Variants in SAMD4A observed in about 807,000 individuals in gnomAD.
SAMD4A encodes sterile alpha motif domain containing 4A.
Under a neutral mutation model 81.3 loss-of-function variants are expected in SAMD4A, and 33 were observed. The observed-to-expected ratio is 0.41, with a 90% CI of 0.31 to 0.54. The LOEUF is 0.54. SAMD4A is among the 20% of genes least tolerant of loss of function. SAMD4A has a pLI of 0.37. For synonymous variants in SAMD4A, 389 were observed against 382.1 expected (o/e 1.02, Z -0.21); for missense variants, 854 against 951.1 (o/e 0.90, Z 1.34).
At chr14:54,657,080 A>G (rs2035537584) in intron 2 of SAMD4A, among the ~76,000 whole-genome samples, 1 of 152,184 alleles carries the variant, frequency 6.6e-6, no homozygotes, top group African/African-American at 2.4e-5. Context: ...GAAGGCATGC[A>G]TTCCATCTTA....
chr14:54,697,787 G>A (rs990533738), intron 2 of SAMD4A, among the ~76,000 whole-genome samples: 3 of 152,218 alleles, frequency 2.0e-5, no homozygotes, highest in African/African-American at 4.8e-5. Context: ...AAAATGGTAT[G>A]TGGGCTGCAG....
At chr14:54,779,544 C>A (rs12323472) in intron 11 of SAMD4A, among the ~76,000 whole-genome samples, 8,125 of 152,230 alleles carry the variant, frequency 0.053, 604 homozygotes, top group African/African-American at 0.15. Flanking sequence ...TAGAACCCAC[C>A]AAGTTGCGGA....
intron 2 of SAMD4A, among the ~76,000 whole-genome samples, chr14:54,597,229 C>T (rs1242863175): frequency 6.6e-6 from 1 of 151,758 alleles, no homozygotes; most frequent in Non-Finnish European, 1.5e-5. Flanking sequence ...TGCCTCAATC[C>T]CCACATCTCT....
intron 2 of SAMD4A, among the ~76,000 whole-genome samples, chr14:54,643,009 C>A (rs1419453809): frequency 6.6e-6 from 1 of 152,200 alleles, no homozygotes. Flanking sequence ...CTCAAGGCAA[C>A]TTGCTGATTC....
chr14:54,669,061 T>C (rs1439412039), intron 2 of SAMD4A, among the ~76,000 whole-genome samples: 1 of 152,182 alleles, frequency 6.6e-6, no homozygotes, highest in Non-Finnish European at 1.5e-5. Flanking sequence ...TTAATTTAAA[T>C]TGAGGAGAAA....
chr14:54,640,921 G>T (rs57146234), intron 2 of SAMD4A, among the ~76,000 whole-genome samples: 7,358 of 152,182 alleles, frequency 0.048, 183 homozygotes, highest in Middle Eastern at 0.12. Context: ...GTTTCCTTTT[G>T]GTCTTTCACA....
At chr14:54,631,930 C>A (rs528167718) in intron 2 of SAMD4A, among the ~76,000 whole-genome samples, 1 of 152,182 alleles carries the variant, frequency 6.6e-6, no homozygotes, top group Non-Finnish European at 1.5e-5. Flanking sequence ...CTGTCTCACC[C>A]CTAGATTTTT....
At chr14:54,572,759 G>C (rs934887813) in intron 2 of SAMD4A, among the ~76,000 whole-genome samples, 4 of 152,114 alleles carry the variant, frequency 2.6e-5, no homozygotes, top group African/African-American at 9.7e-5. Context: ...TTATTGTCCG[G>C]AAGTTACTTG....
intron 3 of SAMD4A, among the ~76,000 whole-genome samples, chr14:54,725,800 G>A (rs1475085): frequency 0.12 from 18,426 of 152,198 alleles, 1,287 homozygotes; most frequent in Middle Eastern, 0.28. Context: ...CTTTAGGTAC[G>A]GAAGTACAGA....
chr14:54,766,695 A>T (rs1470264331), intron 8 of SAMD4A, among the ~76,000 whole-genome samples: 1 of 152,110 alleles, frequency 6.6e-6, no homozygotes, highest in African/African-American at 2.4e-5. Context: ...CCTCTGATAA[A>T]AGCACACCGG....
At position 54,757,383 on chromosome 14, in the gene SAMD4A, T is replaced by TTGTGTGTGTGTGTG. The variant is rs3051653; in HGVS notation, c.1177-2746_1177-2733dup. On this transcript the variant is annotated intron_variant, in intron 6 of 12. Transcript: ENST00000554335. ...TTCGTTATGTATTTGGTTTCTTTAT[T>TTGTGTGTGTGTGTG]TGTGTGTGTGTGTGTGTGTGTGTGT... is the stretch of plus-strand genomic sequence containing the variant. 1.3e-3 allele frequency among the ~76,000 whole-genome samples: 179 copies of TTGTGTGTGTGTGTG among 140,152 alleles called. 1 individual carries two copies. The highest frequency in any genetic ancestry group is 4.4e-3 in the African/African-American group (163 of 36,706). The allele number at this position is 140,152 out of a possible 152,430, so 91.9% of individuals were successfully genotyped here.
intron 2 of SAMD4A, among the ~76,000 whole-genome samples, chr14:54,588,512 T>C (rs2033686169): frequency 6.6e-6 from 1 of 152,160 alleles, no homozygotes. Context: ...CTTTTTGATG[T>C]AGGCATTTAA....
chr14:54,676,945 C>T (rs2140543081), intron 2 of SAMD4A, among the ~76,000 whole-genome samples: 1 of 152,302 alleles, frequency 6.6e-6, no homozygotes, highest in South Asian at 2.1e-4. Context: ...ATTTTGCTTC[C>T]CACTGAAGCC....
chr14:54,738,624 G>A (rs553312654), intron 4 of SAMD4A, among the ~76,000 whole-genome samples: 1 of 152,332 alleles, frequency 6.6e-6, no homozygotes, highest in South Asian at 2.1e-4. Context: ...TCAGGGGACT[G>A]TATCACAATT....
chr14:54,679,585 G>C lies in SAMD4A; in HGVS notation c.197-22477G>C, dbSNP rs141329227. ...AGGTCTTTAAATGAGGGCATCCAAA[G>C]TGAATGCCTATCATTATCCCAGTAC... On this transcript the variant is annotated intron_variant, in intron 2 of 12. Transcript: ENST00000554335. Among the ~76,000 whole-genome samples, 1,242 of 152,314 alleles carry C rather than the reference G, an allele frequency of 8.2e-3. 17 individuals carry two copies. The highest frequency in any genetic ancestry group is 0.028 in the African/African-American group (1,180 of 41,570).
intron 2 of SAMD4A, among the ~76,000 whole-genome samples, chr14:54,609,227 A>G (rs2034295145): frequency 6.6e-6 from 1 of 152,222 alleles, no homozygotes; most frequent in East Asian, 1.9e-4. Flanking sequence ...GGAAGAGTCA[A>G]TGAGAGAGAC....
At chr14:54,705,555 C>A (rs1258380564) in intron 3 of SAMD4A, among the ~76,000 whole-genome samples, 3 of 141,694 alleles carry the variant, frequency 2.1e-5, no homozygotes, top group African/African-American at 7.7e-5. Flanking sequence ...AACCAGAAGG[C>A]CAGCCACCTC....
At chr14:54,574,034 A>G (rs1362957413) in intron 2 of SAMD4A, among the ~76,000 whole-genome samples, 1 of 152,214 alleles carries the variant, frequency 6.6e-6, no homozygotes, top group Admixed American at 6.5e-5. Flanking sequence ...ACAGTAGATA[A>G]TACAGTGCCA....
At chr14:54,740,862 T>A (rs1426161140) in intron 4 of SAMD4A, among the ~76,000 whole-genome samples, 1 of 152,222 alleles carries the variant, frequency 6.6e-6, no homozygotes, top group East Asian at 1.9e-4. Flanking sequence ...TCCATCCTTA[T>A]GGTTTAAGTA....
Sources: allele counts gnomAD v4.1 joint callset (sites outside exome capture counted in the v4.1 genomes callset), GRCh38; gene constraint gnomAD v4.1.1; transcripts MANE v1.5; gene names NCBI Gene and HGNC (gene_info 2026-07-23, HGNC 2026-07-21).